The following HHLA2 variants were observed in gnomAD, a reference collection of about 807,000 sequenced individuals.
HHLA2 encodes HHLA2 member of B7 family, also known as HERV-H LTR-associating protein 2.
HHLA2 carries 48 observed loss-of-function variants against 45.9 expected under a neutral mutation model. The ratio of observed to expected loss-of-function variants is 1.05; its 90% confidence interval spans 0.83 to 1.33. HHLA2 has a LOEUF of 1.33. HHLA2 is among the 40% of genes most tolerant of loss of function. The probability of loss-of-function intolerance (pLI) is 0.00; values close to 1 mark genes in which losing one functional copy is unlikely to be tolerated. For synonymous variants in HHLA2, 161 were observed against 173.9 expected (o/e 0.93, Z 0.59); for missense variants, 462 against 494.3 (o/e 0.93, Z 0.62).
At chr3:108,330,921 G>C (rs184054401) in intron 3 of HHLA2, among the ~76,000 whole-genome samples, 1 of 152,146 alleles carries the variant, frequency 6.6e-6, no homozygotes, top group Non-Finnish European at 1.5e-5. Flanking sequence ...GAAAGATAAG[G>C]GTTAGGTGAA....
intron 1 of HHLA2, among the ~76,000 whole-genome samples, chr3:108,309,027 G>T (rs1324279570): frequency 6.6e-6 from 1 of 152,070 alleles, no homozygotes; most frequent in Non-Finnish European, 1.5e-5. Flanking sequence ...GATCCCATTT[G>T]TCCATTTTTG....
intron 3 of HHLA2, among the ~76,000 whole-genome samples, chr3:108,337,945 A>G (rs539823564): frequency 4.7e-4 from 71 of 152,236 alleles, no homozygotes; most frequent in African/African-American, 1.6e-3. Context: ...GCATTTGAAA[A>G]ATATCACCAA....
chr3:108,372,225 G>T lies in HHLA2; in HGVS notation c.1109-3525G>T, dbSNP rs994725908. 1.4e-4 allele frequency among the ~76,000 whole-genome samples: 22 copies of T among 152,170 alleles called. No homozygotes were observed. The South Asian group carries it at 1.9e-3, about 13-fold the overall frequency. On this transcript the variant is annotated intron_variant, in intron 8 of 10. Transcript: ENST00000619531. ...ACTGAACAACCTGCTCCTGAATGAC[G>T]ACTGGGTACATAATGAAATGAAGGC...
intron 2 of HHLA2, among the ~76,000 whole-genome samples, chr3:108,324,174 G>T (rs1415478248): frequency 6.6e-6 from 1 of 152,082 alleles, no homozygotes; most frequent in Non-Finnish European, 1.5e-5. Context: ...ATAAAAATTA[G>T]CCCCTTCTCA....
At chr3:108,329,679 C>T (rs1420512179) in intron 3 of HHLA2, among the ~76,000 whole-genome samples, 1 of 152,114 alleles carries the variant, frequency 6.6e-6, no homozygotes, top group Non-Finnish European at 1.5e-5. Flanking sequence ...GATCTTGCAT[C>T]ATCAACCACT....
intron 4 of HHLA2, among the ~76,000 whole-genome samples, chr3:108,352,425 G>T (rs1392397382): frequency 6.6e-6 from 1 of 152,184 alleles, no homozygotes; most frequent in Non-Finnish European, 1.5e-5. Context: ...CAGAAGGGAA[G>T]GTAGAGGATA....
At chr3:108,353,844 CTTT>C (rs2081835582) in intron 5 of HHLA2, 64 bp downstream of exon 4, 1 of 1,267,948 alleles carries the variant, frequency 7.9e-7, no homozygotes, top group Non-Finnish European at 1.1e-6. Context: ...TAGTAAGCGT[CTTT>C]TTCCTAATAT....
At chr3:108,365,064 C>T (rs967444532) in intron 8 of HHLA2, among the ~76,000 whole-genome samples, 12 of 152,138 alleles carry the variant, frequency 7.9e-5, no homozygotes, top group Admixed American at 7.9e-4. Flanking sequence ...GTCATGAAGT[C>T]CTTGTCCATG....
chr3:108,326,226 G>A (rs2107361352), intron 2 of HHLA2: 2 of 205,332 alleles, frequency 9.7e-6, no homozygotes, highest in Admixed American at 4.7e-5. Flanking sequence ...ACCTTGTATG[G>A]TGTATTCGTC....
intron 1 of HHLA2, among the ~76,000 whole-genome samples, chr3:108,306,506 C>T (rs1281735622): frequency 6.6e-6 from 1 of 152,156 alleles, no homozygotes; most frequent in Non-Finnish European, 1.5e-5. Flanking sequence ...CTCTCTCTCC[C>T]TCTGTGCGTG....
chr3:108,369,632 A>G (rs1304884952), intron 8 of HHLA2, among the ~76,000 whole-genome samples: 3 of 152,192 alleles, frequency 2.0e-5, no homozygotes, highest in Non-Finnish European at 4.4e-5. Context: ...CGCTTTTCCA[A>G]TGGGCTTAAC....
intron 2 of HHLA2, among the ~76,000 whole-genome samples, chr3:108,322,407 G>T (rs75459923): frequency 0.016 from 2,463 of 152,308 alleles, 59 homozygotes; most frequent in African/African-American, 0.054. Flanking sequence ...GAGTGCAGGA[G>T]AGAATCTAGG....
intron 9 of HHLA2, among the ~76,000 whole-genome samples, 194 bp from the exon 9 acceptor site, chr3:108,376,299 C>CA (rs1238389444): frequency 1.3e-5 from 2 of 152,202 alleles, no homozygotes; most frequent in African/African-American, 4.8e-5. Flanking sequence ...GCACCTGGAT[C>CA]AACCATACAC....
rs1366632203 is a variant in HHLA2 at position 108,323,445 on chromosome 3, C to G, written c.-104-4825C>G. Among the ~76,000 whole-genome samples, 5 of 152,158 alleles carry G rather than the reference C, an allele frequency of 3.3e-5. No individual in the cohort carries two copies. The East Asian group carries it at 7.7e-4, about 23-fold the overall frequency. ...TTAAAAAATTTGAAAAGAAAAATCC[C>G]TTCCCTAAATTTTTATTGAGTTAAG... On this transcript the variant is annotated intron_variant, in intron 2 of 10. Coordinates refer to ENST00000619531, the Ensembl canonical transcript of HHLA2.
At chr3:108,330,342 T>C (rs1370321488) in intron 3 of HHLA2, among the ~76,000 whole-genome samples, 1 of 152,154 alleles carries the variant, frequency 6.6e-6, no homozygotes, top group East Asian at 1.9e-4. Context: ...GCCCCCAAGA[T>C]TCTTGCCCCC....
At chr3:108,325,473 C>T in intron 2 of HHLA2, 1 of 376,824 alleles carries the variant, frequency 2.7e-6, no homozygotes, top group Admixed American at 2.9e-5. Flanking sequence ...TCTGGCTCTC[C>T]TCTCCTGTTA....
intron 2 of HHLA2, among the ~76,000 whole-genome samples, chr3:108,317,245 A>G (rs1467293717): frequency 6.6e-6 from 1 of 152,238 alleles, no homozygotes; most frequent in Non-Finnish European, 1.5e-5. Context: ...ACGAATCTGT[A>G]GAAGTGGATA....
intron 3 of HHLA2, among the ~76,000 whole-genome samples, chr3:108,329,722 TA>T (rs1345972859): frequency 2.0e-5 from 3 of 152,166 alleles, no homozygotes; most frequent in African/African-American, 7.2e-5. Context: ...GTGGGCGTGT[TA>T]ACTTCTGCTG....
chr3:108,334,624 A>T (rs1336170961), intron 3 of HHLA2, among the ~76,000 whole-genome samples: 1 of 152,218 alleles, frequency 6.6e-6, no homozygotes, highest in Non-Finnish European at 1.5e-5. Flanking sequence ...ATTATATCCC[A>T]CAAGGCCTAT....
Sources: allele counts gnomAD v4.1 joint callset (sites outside exome capture counted in the v4.1 genomes callset), GRCh38; gene constraint gnomAD v4.1.1; transcripts MANE v1.5; gene names NCBI Gene and HGNC (gene_info 2026-07-23, HGNC 2026-07-21).